Variants in MYO1A observed in about 807,000 individuals in gnomAD.
MYO1A encodes the protein myosin IA, also known as unconventional myosin-Ia.
MYO1A carries 127 observed loss-of-function variants against 138.5 expected under a neutral mutation model. That is an observed-to-expected ratio of 0.92 (90% confidence interval 0.79 to 1.06). The LOEUF is 1.06. MYO1A is among the 50% of genes least tolerant of loss of function. The pLI is 0.00. For synonymous variants in MYO1A, 477 were observed against 497.5 expected (o/e 0.96, Z 0.55); for missense variants, 1,211 against 1,288.8 (o/e 0.94, Z 0.92).
In MYO1A at chr12:57,030,308, C is replaced by T; in HGVS notation, c.2493G>A (p.Arg831=). The change falls in exon 24 of 28, where the codon AGG becomes AGA. Residue 831 remains arginine, a synonymous_variant. Coordinates refer to ENST00000300119, the MANE Select transcript of MYO1A (RefSeq NM_005379.4). ...GCTTCGGGGACAGCTGATCCCGGAA[C>T]CTCTTGCACTGTGAGGAAGGAGGGA... ...QQLFYQWKCK[R]FRDQLSPKQV... 1 of 1,614,026 alleles carries T rather than the reference C, an allele frequency of 6.2e-7. No homozygotes were observed. Among genetic ancestry groups the T allele is most frequent in the Non-Finnish European group, 8.5e-7 (1 of 1,179,948 alleles).
chr12:57,045,729 C>A (rs994989952), intron 8 of MYO1A, among the ~76,000 whole-genome samples: 2 of 152,218 alleles, frequency 1.3e-5, no homozygotes, highest in African/African-American at 4.8e-5. Context: ...GGGAGGCAAA[C>A]TCCAGTAGGG....
intron 8 of MYO1A, among the ~76,000 whole-genome samples, chr12:57,045,103 T>G (rs2031039751): frequency 6.6e-6 from 1 of 152,200 alleles, no homozygotes; most frequent in African/African-American, 2.4e-5. Context: ...TCATATGGGC[T>G]AGGTTTTGTT....
intron 23 of MYO1A, 33 bp from the exon 24 acceptor site, chr12:57,030,349 T>TA: frequency 6.4e-7 from 1 of 1,556,026 alleles, no homozygotes; most frequent in Non-Finnish European, 8.9e-7. Context: ...GCTAAAATCA[T>TA]AGAGTGGGAG....
intron 12 of MYO1A, among the ~76,000 whole-genome samples, chr12:57,041,912 A>G (rs1214425504): frequency 2.6e-5 from 4 of 152,254 alleles, no homozygotes; most frequent in Non-Finnish European, 4.4e-5. Context: ...GCCTAGACTC[A>G]AATTCCTTCT....
At chr12:57,036,671 G>A (rs966818174) in intron 21 of MYO1A, 101 bp downstream of exon 21, 18 of 1,392,312 alleles carry the variant, frequency 1.3e-5, no homozygotes, top group South Asian at 2.3e-5. Flanking sequence ...ACAGAGGTGC[G>A]GCCTGGGTGC....
At chr12:57,040,673 G>A (rs188101633) in intron 14 of MYO1A, among the ~76,000 whole-genome samples, 110 of 152,292 alleles carry the variant, frequency 7.2e-4, no homozygotes, top group African/African-American at 2.6e-3. Flanking sequence ...GAGACTCTCA[G>A]CCATTCACAC....
chr12:57,036,958 C>T lies in MYO1A; in HGVS notation c.2189G>A (p.Trp730Ter). 1 of 1,614,150 alleles carries T rather than the reference C, an allele frequency of 6.2e-7. No homozygotes were observed. Among genetic ancestry groups the T allele is most frequent in the Non-Finnish European group, 8.5e-7 (1 of 1,180,032 alleles). ...MRKSQILISS[W>*]FRGNMQKKCY... ...TGACCGTACCATGTTTCCCCGAAAC[C>T]AAGAGGAGATGAGGATCTGACTCTT... Residue 730 changes from tryptophan to a stop codon, truncating the protein, a stop_gained, in exon 20 of 28, where the codon TGG becomes TAG. Coordinates refer to ENST00000300119, the MANE Select transcript of MYO1A (RefSeq NM_005379.4). LOFTEE classifies it high-confidence loss of function.
In MYO1A at chr12:57,037,548, A is replaced by G. The variant is rs149628462; in HGVS notation, c.2055T>C (p.Thr685=). 1,251 of 1,613,848 alleles carry G rather than the reference A, an allele frequency of 7.8e-4. 3 individuals are homozygous for G. Among genetic ancestry groups the G allele is most frequent in the Non-Finnish European group, 9.5e-4 (1,124 of 1,179,778 alleles). ...KTKIFIRSPK[T]LFYLEEQRRL... is the part of the protein sequence containing the mutation. ...AATGCTAATGCACTCTCTAACTCAC[A>G]GTCTTGGGGCTTCTAATGAAGATCT... Residue 685 remains threonine (T), a splice_region_variant and synonymous_variant, in exon 19 of 28, where the codon ACT becomes ACC. Coordinates refer to ENST00000300119, the MANE Select transcript of MYO1A (RefSeq NM_005379.4).
At chr12:57,045,561 C>T (rs1304336639) in intron 8 of MYO1A, among the ~76,000 whole-genome samples, 1 of 152,076 alleles carries the variant, frequency 6.6e-6, no homozygotes, top group African/African-American at 2.4e-5. Flanking sequence ...AACTATTAAG[C>T]CAGGAAAGAG....
chr12:57,041,107 GTGA>G, intron 14 of MYO1A, 74 bp downstream of exon 14: 1 of 1,077,578 alleles, frequency 9.3e-7, no homozygotes, highest in East Asian at 2.4e-5. Flanking sequence ...AGAGGAAATT[GTGA>G]TCAAGGAGAA....
At chr12:57,034,035 G>A (rs2030415297) in intron 22 of MYO1A, among the ~76,000 whole-genome samples, 1 of 152,218 alleles carries the variant, frequency 6.6e-6, no homozygotes, top group Admixed American at 6.5e-5. Context: ...TTAATGTGGA[G>A]CCTCTGAAGG....
intron 3 of MYO1A, 32 bp downstream of exon 3, chr12:57,047,957 C>T (rs375740999): frequency 1.3e-6 from 2 of 1,597,838 alleles, no homozygotes; most frequent in Non-Finnish European, 1.7e-6. Context: ...AAGCTGGGGC[C>T]CTGTCAGCCT....
intron 23 of MYO1A, among the ~76,000 whole-genome samples, chr12:57,030,713 A>AG (rs2030235621): frequency 6.6e-6 from 1 of 152,360 alleles, no homozygotes; most frequent in East Asian, 1.9e-4. Context: ...TGAAATTCAT[A>AG]GAAACAGAAA....
chr12:57,043,382 A>G, intron 10 of MYO1A, 24 bp from the exon 11 acceptor site: 1 of 1,601,204 alleles, frequency 6.2e-7, no homozygotes, highest in Non-Finnish European at 8.6e-7. Context: ...AAAGTACAGC[A>G]TGTCCTTAGA....
rs1450427577 is a variant in MYO1A, at chr12:57,037,957, A to G, written c.1873T>C (p.Tyr625His). 2 of 1,614,170 alleles carry G rather than the reference A, an allele frequency of 1.2e-6. No homozygotes were observed. The highest frequency in any genetic ancestry group is 3.3e-5 in the Admixed American group (2 of 60,014). The change falls in exon 18 of 28, where the codon TAT becomes CAT. Residue 625 changes from tyrosine (Y) to histidine (H), a missense_variant. Transcript: ENST00000300119. ...GGCCCATAACCCTGGCGGTGGGCAT[A>G]GCCTGCCCGTCGCACCCGTACGTTC... is the stretch of plus-strand genomic sequence containing the variant. ...LENVRVRRAG[Y>H]AHRQGYGPFL... is the part of the protein sequence containing the mutation.
rs182101540 is a variant in MYO1A, at chr12:57,040,505, A to T, written c.1269+679T>A. ...AGCTTTTTGAATTTTGAAGCATGGG[A>T]ATGTATTATGTATCTGATCATTTAA... On this transcript the variant is annotated intron_variant, in intron 14 of 27. Transcript: ENST00000300119. Among the ~76,000 whole-genome samples the T allele has an allele frequency of 8.5e-5, 13 of 152,348 alleles. No homozygotes were observed. In the East Asian group the frequency reaches 2.5e-3, roughly 29 times the overall value.
intron 15 of MYO1A, 86 bp downstream of exon 15, chr12:57,039,126 A>T: frequency 6.5e-7 from 1 of 1,549,150 alleles, no homozygotes; most frequent in Non-Finnish European, 8.9e-7. Context: ...GTCCCTACCA[A>T]GTGGGGAATC....
Position 57,029,887 on chromosome 12 carries a change from G to A in MYO1A, c.2592-15C>T, listed in dbSNP as rs1407865525. On this transcript the variant is annotated splice_polypyrimidine_tract_variant and intron_variant, in intron 24 of 27. Transcript: ENST00000300119. ...GAATGGGGACACTGAGAACACATGG[G>A]AGGTGTGCAGCGCGACAAGGCCCAG... The A allele has an allele frequency of 1.9e-6, 3 of 1,614,198 alleles. No homozygotes were observed. The highest frequency in any genetic ancestry group is 1.7e-5 in the Admixed American group (1 of 60,024).
intron 14 of MYO1A, among the ~76,000 whole-genome samples, chr12:57,039,797 T>C (rs1043902456): frequency 6.6e-6 from 1 of 152,194 alleles, no homozygotes; most frequent in African/African-American, 2.4e-5. Flanking sequence ...TGGGTCCCAC[T>C]CCCCAAGTTT....
Sources: gnomAD v4.1 joint callset for allele counts (sites outside exome capture counted in the v4.1 genomes callset) on GRCh38, gnomAD v4.1.1 for gene constraint, MANE v1.5 for transcripts, NCBI Gene and HGNC (gene_info 2026-07-23, HGNC 2026-07-21) for gene names.